The following OPCML variants were observed in gnomAD, a reference collection of about 807,000 sequenced individuals.
The protein encoded by OPCML is opioid binding protein/cell adhesion molecule like.
A neutral mutation model predicts 37.8 loss-of-function variants in OPCML; 13 were observed. The observed-to-expected ratio is 0.34, with a 90% CI of 0.22 to 0.55. OPCML has a LOEUF of 0.55. Among genes scored for constraint, OPCML ranks in the 20% least tolerant of loss-of-function variants. The pLI, the probability that OPCML is intolerant of heterozygous loss-of-function variation, is 0.91. For missense variants in OPCML, 341 were observed against 435.6 expected, an observed-to-expected ratio of 0.78 and a Z score of 1.93; for synonymous variants, 176 against 168.8, an observed-to-expected ratio of 1.04 and a Z score of -0.33.
At chr11:132,897,797 T>C (rs968037912) in intron 2 of OPCML, among the ~76,000 whole-genome samples, 3 of 152,130 alleles carry the variant, frequency 2.0e-5, no homozygotes. Flanking sequence ...ACAGGCTGGA[T>C]GGTCAGGGAC....
chr11:133,046,342 A>G (rs1310361856), intron 1 of OPCML, among the ~76,000 whole-genome samples: 1 of 152,190 alleles, frequency 6.6e-6, no homozygotes, highest in Non-Finnish European at 1.5e-5. Flanking sequence ...CAGTGTGAAA[A>G]TGACTAACAA....
At chr11:132,774,891 A>G (rs1458971521) in intron 2 of OPCML, among the ~76,000 whole-genome samples, 1 of 152,180 alleles carries the variant, frequency 6.6e-6, no homozygotes, top group Non-Finnish European at 1.5e-5. Context: ...TTTGTTGTGT[A>G]TATACCATTT....
chr11:132,473,043 A>G (rs2136968495), intron 4 of OPCML, among the ~76,000 whole-genome samples: 1 of 152,318 alleles, frequency 6.6e-6, no homozygotes, highest in Admixed American at 6.5e-5. Context: ...AAGAGGAACC[A>G]TATTAAGCAT....
chr11:133,250,112 A>G (rs1456814307), intron 1 of OPCML, among the ~76,000 whole-genome samples: 2 of 152,264 alleles, frequency 1.3e-5, no homozygotes, highest in African/African-American at 4.8e-5. Flanking sequence ...TAGGTACTCA[A>G]TAACATAACA....
chr11:133,179,332 AG>A (rs1410260650), intron 1 of OPCML, among the ~76,000 whole-genome samples: 1 of 152,142 alleles, frequency 6.6e-6, no homozygotes, highest in African/African-American at 2.4e-5. Context: ...TAGACATCTC[AG>A]GGGTTGGTTG....
chr11:133,272,121 A>G (rs1173091634), intron 1 of OPCML, among the ~76,000 whole-genome samples: 1 of 152,162 alleles, frequency 6.6e-6, no homozygotes, highest in African/African-American at 2.4e-5. Flanking sequence ...AACAGTATCC[A>G]ATGCAGAGAT....
At chr11:133,468,332 C>T (rs1486411431) in intron 1 of OPCML, among the ~76,000 whole-genome samples, 1 of 152,302 alleles carries the variant, frequency 6.6e-6, no homozygotes, top group East Asian at 1.9e-4. Flanking sequence ...AGAAAGGATG[C>T]TGGGACAGGC....
intron 1 of OPCML, among the ~76,000 whole-genome samples, chr11:133,477,020 T>C (rs7112051): frequency 0.36 from 54,447 of 152,008 alleles, 13,597 homozygotes; most frequent in African/African-American, 0.71. Flanking sequence ...ACAGGACCCT[T>C]GGGAAATGCA....
chr11:133,435,598 A>G (rs1189047822), intron 1 of OPCML, among the ~76,000 whole-genome samples: 1 of 152,232 alleles, frequency 6.6e-6, no homozygotes, highest in African/African-American at 2.4e-5. Flanking sequence ...AGATCAAAAA[A>G]GTGGATTCCA....
chr11:132,523,913 G>C (rs2096301002), intron 4 of OPCML, among the ~76,000 whole-genome samples: 1 of 152,230 alleles, frequency 6.6e-6, no homozygotes, highest in Non-Finnish European at 1.5e-5. Context: ...AGATGTTACT[G>C]TATCTGAGTA....
At chr11:133,283,079 C>T (rs956192679) in intron 1 of OPCML, among the ~76,000 whole-genome samples, 2 of 152,020 alleles carry the variant, frequency 1.3e-5, no homozygotes, top group East Asian at 3.9e-4. Context: ...CGAGTTAAGG[C>T]TTTGAGGGAC....
intron 4 of OPCML, among the ~76,000 whole-genome samples, chr11:132,460,136 G>A (rs1057187054): frequency 6.6e-6 from 1 of 152,060 alleles, no homozygotes; most frequent in Admixed American, 6.5e-5. Context: ...ACAGAATGCT[G>A]AAAACTCATG....
chr11:132,559,102 A>T (rs1223720588), intron 3 of OPCML, among the ~76,000 whole-genome samples: 2 of 152,108 alleles, frequency 1.3e-5, no homozygotes, highest in African/African-American at 4.8e-5. Context: ...AATAAGAAAG[A>T]GGCAAGGGGA....
intron 1 of OPCML, chr11:133,004,770 C>T (rs774781104): frequency 4.5e-5 from 44 of 985,142 alleles, no homozygotes; most frequent in Middle Eastern, 5.2e-4. Context: ...GGCTCAGAAG[C>T]GAGATCACAC....
intron 1 of OPCML, among the ~76,000 whole-genome samples, chr11:133,058,701 T>G (rs982007643): frequency 6.6e-6 from 1 of 152,220 alleles, no homozygotes; most frequent in Non-Finnish European, 1.5e-5. Context: ...TTCTCCTCTG[T>G]GCTTCTCGGC....
At chr11:133,009,238 C>T in intron 1 of OPCML, 1 of 985,198 alleles carries the variant, frequency 1.0e-6, no homozygotes, top group Non-Finnish European at 1.2e-6. Flanking sequence ...TCAAGTGTTG[C>T]AAGAAAACGG....
chr11:132,628,892 T>G (rs533815947), intron 3 of OPCML, among the ~76,000 whole-genome samples: 1 of 152,270 alleles, frequency 6.6e-6, no homozygotes, highest in Admixed American at 6.5e-5. Flanking sequence ...ATGTGTTTAC[T>G]TCCCCTTCCG....
intron 3 of OPCML, among the ~76,000 whole-genome samples, chr11:132,535,870 T>C (rs771386627): frequency 6.6e-6 from 1 of 152,180 alleles, no homozygotes; most frequent in Non-Finnish European, 1.5e-5. Flanking sequence ...AGCTCAATCC[T>C]TGGCCAAAAG....
intron 1 of OPCML, among the ~76,000 whole-genome samples, chr11:133,378,494 A>C (rs1944862239): frequency 6.6e-6 from 1 of 152,146 alleles, no homozygotes; most frequent in Admixed American, 6.5e-5. Flanking sequence ...ATGAAGTCAG[A>C]TCTTTCTCAT....
Sources: allele counts gnomAD v4.1 joint callset (sites outside exome capture counted in the v4.1 genomes callset), GRCh38; gene constraint gnomAD v4.1.1; transcripts MANE v1.5; gene names NCBI Gene and HGNC (gene_info 2026-07-23, HGNC 2026-07-21).